The following MYO16 variants were observed in gnomAD, a reference collection of about 807,000 sequenced individuals.
MYO16 encodes the protein unconventional myosin-XVI.
Under a neutral mutation model 205.3 loss-of-function variants are expected in MYO16, and 94 were observed. The ratio of observed to expected loss-of-function variants is 0.46; its 90% CI spans 0.39 to 0.54. The LOEUF (loss-of-function observed/expected upper bound fraction) is 0.54, where lower values mean the gene tolerates loss of function less well. Ranked by LOEUF, MYO16 falls within the 20% of genes least tolerant of loss-of-function variation. The pLI, the probability that MYO16 is intolerant of heterozygous loss-of-function variation, is 0.00. For missense variants in MYO16, 2,315 were observed against 2,387.5 expected, an observed-to-expected ratio of 0.97 and a Z score of 0.63; for synonymous variants, 988 against 954.0, an observed-to-expected ratio of 1.04 and a Z score of -0.66.
chr13:108,700,342 A>AAC (rs1409333140), intron 2 of MYO16, among the ~76,000 whole-genome samples: 1 of 22,380 alleles, frequency 4.5e-5, no homozygotes, highest in East Asian at 9.5e-4. Context: ...CAAAAAAAAA[A>AAC]AAAAAAAAGA....
chr13:108,597,960 G>A (rs1293901254), intron 1 of MYO16, among the ~76,000 whole-genome samples: 1 of 152,134 alleles, frequency 6.6e-6, no homozygotes, highest in Non-Finnish European at 1.5e-5. Flanking sequence ...AGCCCTTATT[G>A]CAAGTGAGAA....
intron 32 of MYO16, among the ~76,000 whole-genome samples, chr13:109,144,940 T>A (rs780099181): frequency 4.6e-5 from 7 of 152,242 alleles, no homozygotes; most frequent in Admixed American, 4.6e-4. Context: ...TAGCCTTATA[T>A]GTAGGATTTC....
At chr13:108,571,734 A>G in the MYO16 span, among the ~76,000 whole-genome samples, 1 of 151,556 alleles carries the variant, frequency 6.6e-6, no homozygotes, top group Non-Finnish European at 1.5e-5. Context: ...TGAATAGTTC[A>G]AAACAAAACC....
At chr13:109,010,823 A>G (rs1233814379) in intron 22 of MYO16, among the ~76,000 whole-genome samples, 1 of 151,948 alleles carries the variant, frequency 6.6e-6, no homozygotes, top group Admixed American at 6.6e-5. Context: ...TCTTCAGTAA[A>G]TAGCTTGCTA....
At chr13:109,046,071 C>CGGA (rs1485522243) in intron 23 of MYO16, among the ~76,000 whole-genome samples, 85 of 152,270 alleles carry the variant, frequency 5.6e-4, no homozygotes, top group African/African-American at 1.9e-3. Context: ...TCCCTCATGG[C>CGGA]TGATGCTCAC....
At chr13:108,947,394 G>C (rs1453512650) in intron 16 of MYO16, among the ~76,000 whole-genome samples, 4 of 152,150 alleles carry the variant, frequency 2.6e-5, no homozygotes, top group African/African-American at 4.8e-5. Flanking sequence ...GTGTGAGTTA[G>C]AGAAAGTTCT....
At chr13:109,163,532 T>G (rs1240439918) in intron 32 of MYO16, among the ~76,000 whole-genome samples, 1 of 81,280 alleles carries the variant, frequency 1.2e-5, no homozygotes, top group Non-Finnish European at 2.4e-5. Context: ...CCTCCTTCCC[T>G]CCCTCCCTTT....
chr13:108,813,781 A>G (rs1325590584), intron 7 of MYO16, among the ~76,000 whole-genome samples: 1 of 152,188 alleles, frequency 6.6e-6, no homozygotes, highest in East Asian at 1.9e-4. Context: ...TTTAATAGCA[A>G]AGATGAGTTG....
chr13:108,594,115 G>A (rs74117266), upstream of MYO16, among the ~76,000 whole-genome samples: 3,887 of 152,274 alleles, frequency 0.026, 159 homozygotes, highest in African/African-American at 0.087. Flanking sequence ...TCTGAGTGAT[G>A]CTGCTTCTTG....
At position 109,206,949 on chromosome 13, in the gene MYO16, A is replaced by G. The variant is rs969613384; in HGVS notation, c.*113A>G. 1.2e-6 allele frequency: 1 copy of G among 849,896 alleles called. No homozygotes were observed. The highest frequency in any genetic ancestry group is 3.0e-4 in the Middle Eastern group (1 of 3,370). 52.6% of individuals were successfully genotyped at this position (849,896 alleles called of 1,614,324 possible). ...GGCTTCTCTCCACGCATTTAGACAA[A>G]AAAAGCACAGGACACAGACACTAAA... On this transcript the variant is annotated 3_prime_UTR_variant, in exon 35 of 35. Coordinates refer to ENST00000457511, the MANE Select transcript of MYO16 (RefSeq NM_001198950.3).
At chr13:109,043,626 C>T (rs1402694654) in intron 23 of MYO16, among the ~76,000 whole-genome samples, 1 of 152,024 alleles carries the variant, frequency 6.6e-6, no homozygotes, top group African/African-American at 2.4e-5. Flanking sequence ...GACTATTTGT[C>T]TGTCAAAATA....
intron 34 of MYO16, among the ~76,000 whole-genome samples, chr13:109,181,022 C>CA (rs1373978913): frequency 2.4e-4 from 36 of 152,340 alleles, no homozygotes; most frequent in African/African-American, 7.9e-4. Flanking sequence ...ACATCCTTTC[C>CA]AGGCCTGCCC....
At chr13:108,682,773 T>C (rs1394829866) in intron 2 of MYO16, among the ~76,000 whole-genome samples, 1 of 152,046 alleles carries the variant, frequency 6.6e-6, no homozygotes, top group Non-Finnish European at 1.5e-5. Context: ...TAAGATAGTG[T>C]CTGTTAAGAG....
chr13:108,611,969 T>C (rs564144559), intron 1 of MYO16, among the ~76,000 whole-genome samples: 2 of 141,358 alleles, frequency 1.4e-5, no homozygotes, highest in Non-Finnish European at 3.1e-5. Context: ...TTTTTTTTTT[T>C]TTCTTTTTTT....
intron 23 of MYO16, among the ~76,000 whole-genome samples, chr13:109,028,994 C>T (rs1473206495): frequency 6.6e-6 from 1 of 151,592 alleles, no homozygotes; most frequent in African/African-American, 2.4e-5. Flanking sequence ...TAGATTTATG[C>T]TGTTATGCAG....
upstream of MYO16, among the ~76,000 whole-genome samples, chr13:108,593,238 A>G (rs781505496): frequency 1.3e-5 from 2 of 152,184 alleles, no homozygotes; most frequent in African/African-American, 4.8e-5. Context: ...AAAATAAACG[A>G]AAATGCTCAA....
At chr13:108,593,271 A>C (rs1878452708), upstream of MYO16, among the ~76,000 whole-genome samples, 1 of 152,210 alleles carries the variant, frequency 6.6e-6, no homozygotes, top group Non-Finnish European at 1.5e-5. Context: ...AGAGGAGTTT[A>C]AGATGGAAAC....
chr13:108,813,661 C>T (rs1887362605), intron 7 of MYO16, among the ~76,000 whole-genome samples: 1 of 152,072 alleles, frequency 6.6e-6, no homozygotes, highest in South Asian at 2.1e-4. Context: ...TCTTTGTTAG[C>T]CACTTAGTGT....
At chr13:108,546,713 A>G in the MYO16 span, among the ~76,000 whole-genome samples, 1 of 152,150 alleles carries the variant, frequency 6.6e-6, no homozygotes, top group Non-Finnish European at 1.5e-5. Context: ...CACTCTTCCC[A>G]TCACAGCATG....
Sources: allele counts gnomAD v4.1 joint callset (sites outside exome capture counted in the v4.1 genomes callset), GRCh38; gene constraint gnomAD v4.1.1; transcripts MANE v1.5; gene names NCBI Gene and HGNC (gene_info 2026-07-23, HGNC 2026-07-21).